The following OXR1 variants were observed in gnomAD, a reference collection of about 807,000 sequenced individuals.
The protein encoded by OXR1 is oxidation resistance 1, also known as oxidation resistance protein 1.
Under a neutral mutation model 104.6 loss-of-function variants are expected in OXR1, and 41 were observed. The observed-to-expected ratio is 0.39, with a 90% CI of 0.31 to 0.51. The LOEUF is 0.51. Among genes scored for constraint, OXR1 ranks in the 20% least tolerant of loss-of-function variants. The pLI, the probability that OXR1 is intolerant of heterozygous loss-of-function variation, is 0.77. For synonymous variants in OXR1, 348 were observed against 348.4 expected, an observed-to-expected ratio of 1.00 and a Z score of 0.01; for missense variants, 955 against 1,031.9, an observed-to-expected ratio of 0.93 and a Z score of 1.02.
intron 1 of OXR1, among the ~76,000 whole-genome samples, chr8:106,358,820 A>G (rs1816098250): frequency 6.6e-6 from 1 of 151,646 alleles, no homozygotes; most frequent in Non-Finnish European, 1.5e-5. Context: ...TATTTAGTGG[A>G]ATAATTTAAT....
rs777559204 is a variant in OXR1, at chr8:106,706,604, ATCT to A, written c.1087_1089del (p.Ser363del). On this transcript the variant is annotated inframe_deletion, in exon 9 of 17. Transcript: ENST00000517566. ...CTTCAGATGAACTGCGACAAGATAA[ATCT>A]TCTGGTGCGTCATCAGAATCTGTGC... 3 of 1,613,002 alleles carry A rather than the reference ATCT, an allele frequency of 1.9e-6. No homozygotes were observed. The highest frequency in any genetic ancestry group is 1.7e-6 in the Non-Finnish European group (2 of 1,179,742).
At chr8:106,426,605 G>A (rs996612210) in intron 2 of OXR1, among the ~76,000 whole-genome samples, 4 of 152,122 alleles carry the variant, frequency 2.6e-5, no homozygotes, top group African/African-American at 9.7e-5. Flanking sequence ...GATTAAGAGT[G>A]AAGACCCTAG....
intron 2 of OXR1, among the ~76,000 whole-genome samples, chr8:106,361,402 T>G (rs982970601): frequency 6.6e-6 from 1 of 152,190 alleles, no homozygotes; most frequent in African/African-American, 2.4e-5. Flanking sequence ...TGCATTAGAT[T>G]TCCATGCAGG....
chr8:106,721,766 G>A (rs1397528651), intron 11 of OXR1, among the ~76,000 whole-genome samples: 1 of 152,080 alleles, frequency 6.6e-6, no homozygotes, highest in African/African-American at 2.4e-5. Flanking sequence ...ATAATTTATA[G>A]TCTTTCCATT....
intron 1 of OXR1, among the ~76,000 whole-genome samples, chr8:106,309,635 A>T (rs7817701): frequency 0.22 from 33,343 of 151,604 alleles, 5,442 homozygotes; most frequent in African/African-American, 0.46. Flanking sequence ...GCAGTAAATT[A>T]TTTTTTCCTT....
chr8:106,727,908 G>A (rs1833505735), intron 11 of OXR1, among the ~76,000 whole-genome samples: 1 of 152,140 alleles, frequency 6.6e-6, no homozygotes, highest in Admixed American at 6.5e-5. Context: ...TTGAAGCATG[G>A]AGTGGTCACT....
rs140353626 is a variant in OXR1, at chr8:106,375,901, A to G, written c.23+16265A>G. Reference sequence around the variant, plus strand: ...CCTTAGCTCTGCTGCCCAGGCCAGGATGCAATGGCATGATCATAGTTCACT... The same window carrying G: ...CCTTAGCTCTGCTGCCCAGGCCAGGGTGCAATGGCATGATCATAGTTCACT... On this transcript the variant is annotated intron_variant, in intron 2 of 16. Transcript: ENST00000517566. Among the ~76,000 whole-genome samples, 409 of 152,346 alleles carry G rather than the reference A, an allele frequency of 2.7e-3. 3 individuals carry two copies. The highest frequency in any genetic ancestry group is 9.5e-3 in the African/African-American group (395 of 41,586).
At chr8:106,663,925 T>A (rs1826014492) in intron 3 of OXR1, among the ~76,000 whole-genome samples, 1 of 152,170 alleles carries the variant, frequency 6.6e-6, no homozygotes. Context: ...TACCAGTTGT[T>A]ACAGTAACTT....
At chr8:106,527,850 A>G (rs1813805145) in intron 3 of OXR1, among the ~76,000 whole-genome samples, 1 of 152,196 alleles carries the variant, frequency 6.6e-6, no homozygotes, top group Non-Finnish European at 1.5e-5. Context: ...CAAGGGAACA[A>G]TCTAAGTAAA....
intron 1 of OXR1, among the ~76,000 whole-genome samples, chr8:106,309,463 T>A (rs1469114267): frequency 6.6e-6 from 1 of 152,152 alleles, no homozygotes; most frequent in East Asian, 1.9e-4. Flanking sequence ...CCAGGATACG[T>A]GAGCTATTTA....
intron 3 of OXR1, among the ~76,000 whole-genome samples, chr8:106,595,525 G>A (rs1487168193): frequency 1.3e-5 from 2 of 148,492 alleles, no homozygotes; most frequent in African/African-American, 5.0e-5. Context: ...ACTCCAGCCT[G>A]GGCGACAAGA....
chr8:106,416,598 T>C (rs979093884), intron 2 of OXR1, among the ~76,000 whole-genome samples: 2 of 152,042 alleles, frequency 1.3e-5, no homozygotes, highest in Non-Finnish European at 2.9e-5. Flanking sequence ...AATGAGATAA[T>C]GCAAGCAAAG....
chr8:106,554,275 A>AAAAC (rs1362739747), intron 3 of OXR1, among the ~76,000 whole-genome samples: 2 of 152,254 alleles, frequency 1.3e-5, no homozygotes, highest in Non-Finnish European at 2.9e-5. Flanking sequence ...TAATCCTGAG[A>AAAAC]AAACATCAGA....
intron 2 of OXR1, among the ~76,000 whole-genome samples, chr8:106,511,770 T>A (rs1238761095): frequency 2.0e-5 from 3 of 152,234 alleles, no homozygotes; most frequent in African/African-American, 7.2e-5. Flanking sequence ...TCCAGGTCCT[T>A]GCCCAAGTGT....
chr8:106,316,375 A>G (rs546149534), intron 1 of OXR1, among the ~76,000 whole-genome samples: 2 of 152,152 alleles, frequency 1.3e-5, no homozygotes, highest in East Asian at 3.9e-4. Context: ...GAAGGCTACA[A>G]TCAATCTTTA....
intron 2 of OXR1, among the ~76,000 whole-genome samples, chr8:106,491,320 C>T (rs1244555627): frequency 6.6e-6 from 1 of 152,226 alleles, no homozygotes; most frequent in Non-Finnish European, 1.5e-5. Context: ...TCATTTAACA[C>T]ACCTGTAATT....
At chr8:106,466,155 C>T (rs1033004800) in intron 2 of OXR1, among the ~76,000 whole-genome samples, 3 of 151,810 alleles carry the variant, frequency 2.0e-5, no homozygotes, top group African/African-American at 7.3e-5. Context: ...GTTTTTGCAT[C>T]CTGTGTACAG....
intron 6 of OXR1, among the ~76,000 whole-genome samples, chr8:106,691,843 T>C (rs894858892): frequency 2.0e-5 from 3 of 150,962 alleles, no homozygotes; most frequent in Non-Finnish European, 4.4e-5. Flanking sequence ...AATATTACAG[T>C]TAAGCTCACT....
At chr8:106,718,893 T>C (rs1267293214) in intron 11 of OXR1, among the ~76,000 whole-genome samples, 1 of 151,500 alleles carries the variant, frequency 6.6e-6, no homozygotes, top group East Asian at 1.9e-4. Flanking sequence ...TGGCTGCTAT[T>C]GATAAGAAAG....
Sources: allele counts gnomAD v4.1 joint callset (sites outside exome capture counted in the v4.1 genomes callset), GRCh38; gene constraint gnomAD v4.1.1; transcripts MANE v1.5; gene names NCBI Gene and HGNC (gene_info 2026-07-23, HGNC 2026-07-21).